C16orf46: variants seen among roughly 807,000 people sequenced by gnomAD.
C16orf46 encodes the protein uncharacterized protein C16orf46.
Under a neutral mutation model 5.5 loss-of-function variants are expected in C16orf46, and 7 were observed. The ratio of observed to expected loss-of-function variants is 1.28; its 90% CI spans 0.73 to 2.40. The LOEUF (loss-of-function observed/expected upper bound fraction) is 2.40. C16orf46 is among the 30% of genes most tolerant of loss of function. The pLI is 0.00. For missense variants in C16orf46, 614 were observed against 476.0 expected (o/e 1.29, Z -2.70); for synonymous variants, 200 against 184.1 (o/e 1.09, Z -0.70).
At chr16:81,069,263 G>A (rs556140148) in intron 1 of C16orf46, among the ~76,000 whole-genome samples, 1 of 152,262 alleles carries the variant, frequency 6.6e-6, no homozygotes, top group East Asian at 1.9e-4. Flanking sequence ...AGGATAGGCT[G>A]CAGTAACAAG....
chr16:81,076,224 T>A (rs779244830), intron 1 of C16orf46, among the ~76,000 whole-genome samples: 1 of 152,216 alleles, frequency 6.6e-6, no homozygotes, highest in Non-Finnish European at 1.5e-5. Context: ...GACCTGGGCA[T>A]CCTGATCATT....
chr16:81,073,164 T>G (rs573787401), intron 1 of C16orf46, among the ~76,000 whole-genome samples: 1 of 152,252 alleles, frequency 6.6e-6, no homozygotes, highest in Admixed American at 6.5e-5. Flanking sequence ...CATAAAGTAT[T>G]TTACCACTAT....
At chr16:81,053,659 T>C (rs750350635) in exon 4 of C16orf46, 13 of 159,608 alleles carry the variant, frequency 8.1e-5, no homozygotes, top group Non-Finnish European at 1.6e-4. Context: ...AAGTTACTAT[T>C]ACAGAACATT....
At chr16:81,075,202 T>G (rs188957220) in intron 1 of C16orf46, among the ~76,000 whole-genome samples, 1 of 151,890 alleles carries the variant, frequency 6.6e-6, no homozygotes, top group African/African-American at 2.4e-5. Flanking sequence ...TAGATAGTCT[T>G]TTTTTTTAGA....
intron 1 of C16orf46, among the ~76,000 whole-genome samples, chr16:81,075,866 T>C (rs1972021875): frequency 6.6e-6 from 1 of 152,136 alleles, no homozygotes; most frequent in Admixed American, 6.5e-5. Flanking sequence ...AGGCCCAGGG[T>C]ATTAAGTCAA....
chr16:81,056,221 G>A (rs988517736), downstream of C16orf46: 18 of 152,188 alleles, frequency 1.2e-4, no homozygotes, highest in African/African-American at 3.1e-4. Flanking sequence ...TTAAACATCA[G>A]AGAATTCTGA....
intron 1 of C16orf46, among the ~76,000 whole-genome samples, chr16:81,069,384 A>G (rs1018466216): frequency 2.6e-5 from 4 of 152,190 alleles, no homozygotes; most frequent in African/African-American, 9.7e-5. Flanking sequence ...CTCACTCCTG[A>G]ACATGAACTG....
chr16:81,071,670 C>A, intron 1 of C16orf46, among the ~76,000 whole-genome samples: 1 of 151,890 alleles, frequency 6.6e-6, no homozygotes, highest in African/African-American at 2.4e-5. Context: ...CCATGGGCCC[C>A]GGAGGGAGAT....
chr16:81,064,670 C>T (rs1010116794), intron 2 of C16orf46, among the ~76,000 whole-genome samples: 1 of 151,684 alleles, frequency 6.6e-6, no homozygotes, highest in Admixed American at 6.6e-5. Context: ...TCACTTGAAT[C>T]CGGGAGGTGG....
chr16:81,061,725 G>T lies in C16orf46; in HGVS notation c.624C>A (p.Leu208=). ...SIPGPLTSRA[L]LVLPPLKASL... ...AAGCCTTCAGGGGAGGCAGAACTAG[G>T]AGGGCCCTGGAAGTCAGGGGGCCTG... Residue 208 remains leucine (L), a synonymous_variant, in exon 4 of 4, where the codon CTC becomes CTA. Transcript: ENST00000299578. 1 of 1,614,018 alleles carries T rather than the reference G, an allele frequency of 6.2e-7. No individual in the cohort carries two copies. Among genetic ancestry groups the T allele is most frequent in the East Asian group, 2.2e-5 (1 of 44,876 alleles).
intron 1 of C16orf46, chr16:81,069,769 G>C (rs1288610077): frequency 1.3e-5 from 2 of 152,164 alleles, no homozygotes; most frequent in Non-Finnish European, 2.9e-5. Context: ...CATTTCCTGG[G>C]AATGGGAAGT....
downstream of C16orf46, among the ~76,000 whole-genome samples, chr16:81,059,333 A>C (rs867977480): frequency 4.0e-4 from 60 of 151,710 alleles, 1 homozygote; most frequent in African/African-American, 1.3e-3. Flanking sequence ...AAAAAAAAAA[A>C]AAAAAAAAAC....
Position 81,061,196 on chromosome 16 carries a change from C to T in C16orf46, c.1153G>A (p.Val385Ile), listed in dbSNP as rs1971454374. The T allele has an allele frequency of 6.2e-7, 1 of 1,613,298 alleles. No individual in the cohort carries two copies. Among genetic ancestry groups the T allele is most frequent in the Non-Finnish European group, 8.5e-7 (1 of 1,179,620 alleles). Residue 385 changes from valine to isoleucine, a missense_variant, in exon 4 of 4, where the codon GTT (valine) becomes ATT (isoleucine). Val to Ile is a conservative substitution (Grantham distance 29, BLOSUM62 3). Coordinates refer to ENST00000299578, the MANE Select transcript of C16orf46 (RefSeq NM_152337.3). ...PVLPSLTVSRVIIPVSTHRIL is the reference protein window; with the variant it reads ...PVLPSLTVSRIIIPVSTHRIL ...CTGTGGGTAGAGACAGGAATGATAA[C>T]TCTGCTCACTGTGAGAGACGGCAAG...
At chr16:81,059,115 C>T (rs1327175597), downstream of C16orf46, among the ~76,000 whole-genome samples, 4 of 151,764 alleles carry the variant, frequency 2.6e-5, no homozygotes, top group Non-Finnish European at 4.4e-5. Flanking sequence ...AGTGCAATGG[C>T]GTCATCTCGG....
At chr16:81,055,528 T>C (rs1971268813) in intron 3 of C16orf46, 1 of 139,136 alleles carries the variant, frequency 7.2e-6, no homozygotes, top group African/African-American at 3.1e-5. Context: ...ACCCGTCTCT[T>C]CAAAAAAAAA....
chr16:81,056,825 G>A (rs1329999773), downstream of C16orf46, among the ~76,000 whole-genome samples: 1 of 152,078 alleles, frequency 6.6e-6, no homozygotes, highest in South Asian at 2.1e-4. Flanking sequence ...TGCCTTCTGG[G>A]ATGTGGCAAG....
At position 81,061,136 on chromosome 16, in the gene C16orf46, TTCCCAGGGGTTCTACCGCAA is replaced by T; in HGVS notation, c.*5_*24del. 1.9e-6 allele frequency: 3 copies of T among 1,555,058 alleles called. No individual in the cohort carries two copies. Among genetic ancestry groups the T allele is most frequent in the Non-Finnish European group, 1.7e-6 (2 of 1,151,462 alleles). ...ATGGCTGCATCTCAAACGGTGCTTA[TTCCCAGGGGTTCTACCGCAA>T]CCGCTCAGAGGATCCTGTGGGTAGA... On this transcript the variant is annotated 3_prime_UTR_variant, in exon 4 of 4. Coordinates refer to ENST00000299578, the MANE Select transcript of C16orf46 (RefSeq NM_152337.3).
intron 3 of C16orf46, chr16:81,054,210 C>T: frequency 1.2e-6 from 1 of 850,854 alleles, no homozygotes; most frequent in Non-Finnish European, 1.8e-6. Flanking sequence ...TGAAGACTGC[C>T]CTCAATAACT....
chr16:81,072,741 G>A (rs985814571), intron 1 of C16orf46, among the ~76,000 whole-genome samples: 4 of 151,746 alleles, frequency 2.6e-5, no homozygotes, highest in South Asian at 2.1e-4. Context: ...TCACTCTCTT[G>A]CCCAGGCTGG....
Sources: allele counts gnomAD v4.1 joint callset (sites outside exome capture counted in the v4.1 genomes callset), GRCh38; gene constraint gnomAD v4.1.1; transcripts MANE v1.5; gene names NCBI Gene and HGNC (gene_info 2026-07-23, HGNC 2026-07-21).